SLIT3: variants seen among roughly 807,000 people sequenced by gnomAD.
SLIT3 encodes slit guidance ligand 3.
SLIT3 carries 68 observed loss-of-function variants against 184.0 expected under a neutral mutation model. That is an observed-to-expected ratio of 0.37 (90% CI 0.30 to 0.45). The LOEUF (loss-of-function observed/expected upper bound fraction) is 0.45, where lower values mean the gene tolerates loss of function less well. Among genes scored for constraint, SLIT3 ranks in the 20% least tolerant of loss-of-function variants. SLIT3 has a pLI of 1.00. For synonymous variants in SLIT3, 831 were observed against 828.6 expected (o/e 1.00, Z -0.05); for missense variants, 1,707 against 2,026.0 (o/e 0.84, Z 3.02).
chr5:169,131,182 G>A (rs112685889), intron 4 of SLIT3, among the ~76,000 whole-genome samples: 1,746 of 152,248 alleles, frequency 0.011, 39 homozygotes, highest in African/African-American at 0.04. Context: ...AGCTGTTAAC[G>A]AACACACAAC....
intron 4 of SLIT3, among the ~76,000 whole-genome samples, chr5:168,902,065 T>C (rs928840760): frequency 9.2e-5 from 14 of 152,204 alleles, no homozygotes; most frequent in Admixed American, 3.9e-4. Context: ...CTAACTTTTG[T>C]ATTTTTAGTA....
chr5:169,017,508 T>G (rs1756431963), intron 4 of SLIT3, among the ~76,000 whole-genome samples: 1 of 152,240 alleles, frequency 6.6e-6, no homozygotes, highest in Non-Finnish European at 1.5e-5. Flanking sequence ...AGCAGCCACC[T>G]TGGCAGCCTG....
intron 3 of SLIT3, among the ~76,000 whole-genome samples, chr5:169,237,097 A>T (rs1018997509): frequency 6.6e-6 from 1 of 152,164 alleles, no homozygotes; most frequent in Non-Finnish European, 1.5e-5. Context: ...TCTTCTGTGC[A>T]GTTCCTTTTG....
intron 2 of SLIT3, among the ~76,000 whole-genome samples, chr5:169,247,657 T>A (rs1193702611): frequency 6.6e-6 from 1 of 152,162 alleles, no homozygotes; most frequent in African/African-American, 2.4e-5. Context: ...ATTGGCTTCA[T>A]CAAGAAGTTT....
At chr5:168,883,104 G>A (rs569885111) in intron 5 of SLIT3, among the ~76,000 whole-genome samples, 161 bp downstream of exon 5, 1 of 152,292 alleles carries the variant, frequency 6.6e-6, no homozygotes, top group East Asian at 1.9e-4. Context: ...TGACAGTATT[G>A]TGGCATCCAA....
intron 1 of SLIT3, among the ~76,000 whole-genome samples, chr5:169,255,837 C>T (rs568463220): frequency 1.5e-4 from 23 of 152,036 alleles, no homozygotes; most frequent in Admixed American, 1.4e-3. Context: ...GAGCCGAGAT[C>T]GCGCCACTGC....
At chr5:169,237,560 C>A (rs990901361) in intron 3 of SLIT3, among the ~76,000 whole-genome samples, 1 of 152,166 alleles carries the variant, frequency 6.6e-6, no homozygotes, top group African/African-American at 2.4e-5. Context: ...TCCACCTCAC[C>A]AGCAATTAGC....
At chr5:169,026,356 A>C (rs1471095923) in intron 4 of SLIT3, 1 of 152,226 alleles carries the variant, frequency 6.6e-6, no homozygotes, top group Non-Finnish European at 1.5e-5. Context: ...AGCTTTCAAG[A>C]AGTTGGGTCA....
intron 20 of SLIT3, among the ~76,000 whole-genome samples, chr5:168,736,211 G>A (rs1372811686): frequency 6.6e-6 from 1 of 152,168 alleles, no homozygotes; most frequent in South Asian, 2.1e-4. Context: ...GAATGGAAGG[G>A]AGCCTTCTCA....
chr5:168,707,984 T>C lies in SLIT3; in HGVS notation c.2836A>G (p.Ser946Gly). The C allele has an allele frequency of 1.2e-6, 2 of 1,614,126 alleles. No individual in the cohort carries two copies. The highest frequency in any genetic ancestry group is 1.7e-6 in the Non-Finnish European group (2 of 1,180,016). Residue 946 changes from serine (S) to glycine (G), a missense_variant, in exon 26 of 36, where the codon AGC becomes GGC. Transcript: ENST00000519560. Reference protein sequence around the residue: ...VELYRCACPYSYKGKDCTVPI... With the variant: ...VELYRCACPYGYKGKDCTVPI... ...CAGGGCCTCCAGCATACCTTGTAGC[T>C]GTAGGGGCAGGCACAGCGGTACAGC...
intron 16 of SLIT3, among the ~76,000 whole-genome samples, chr5:168,754,653 T>C (rs1303237998): frequency 6.6e-6 from 1 of 152,216 alleles, no homozygotes; most frequent in Non-Finnish European, 1.5e-5. Context: ...AAAGAAATGA[T>C]AGATGTTAGA....
At chr5:168,955,599 T>C (rs1191560466) in intron 4 of SLIT3, among the ~76,000 whole-genome samples, 1 of 152,212 alleles carries the variant, frequency 6.6e-6, no homozygotes, top group African/African-American at 2.4e-5. Context: ...ACCCACCCGA[T>C]GGCAGGTGAA....
chr5:168,812,674 C>T (rs555223693), intron 8 of SLIT3, among the ~76,000 whole-genome samples: 3 of 152,160 alleles, frequency 2.0e-5, no homozygotes, highest in South Asian at 2.1e-4. Flanking sequence ...CAACAGACTG[C>T]GATGACAATG....
At chr5:168,813,613 A>T (rs1757238251) in intron 8 of SLIT3, among the ~76,000 whole-genome samples, 1 of 152,246 alleles carries the variant, frequency 6.6e-6, no homozygotes, top group Non-Finnish European at 1.5e-5. Flanking sequence ...GGAAGAAAAT[A>T]AATGCCTTCA....
intron 1 of SLIT3, among the ~76,000 whole-genome samples, chr5:169,296,905 G>T (rs1169344168): frequency 6.6e-6 from 1 of 152,236 alleles, no homozygotes; most frequent in African/African-American, 2.4e-5. Context: ...ACTGCAGTGA[G>T]AAGTGGGCCT....
At chr5:168,855,005 C>A (rs1438362363) in intron 5 of SLIT3, among the ~76,000 whole-genome samples, 1 of 152,198 alleles carries the variant, frequency 6.6e-6, no homozygotes, top group East Asian at 1.9e-4. Flanking sequence ...CTAGAAGAGG[C>A]CAGCTTCCTT....
rs759431210 is a variant in SLIT3, at chr5:168,696,408, T to G, written c.2966A>C (p.Glu989Ala). The G allele has an allele frequency of 5.0e-6, 8 of 1,613,974 alleles. No individual in the cohort carries two copies. Among genetic ancestry groups the G allele is most frequent in the Non-Finnish European group, 6.8e-6 (8 of 1,179,996 alleles). The change falls in exon 28 of 36, where the codon GAG (glutamate) becomes GCG (alanine). Residue 989 changes from glutamate (E) to alanine (A), a missense_variant. Physicochemically the swap from Glu to Ala is moderately radical, Grantham distance 107 (BLOSUM62 -1). This residue lies in a region of SLIT3 where 1,307 missense variants were observed against 1,511.6 expected (regional missense o/e 0.86). Coordinates refer to ENST00000519560, the MANE Select transcript of SLIT3 (RefSeq NM_003062.4). Reference sequence around the variant, plus strand: ...TGGGTTGATCTCACACCGCTGCCCCTCAAAGCCCAGAGGGCAGGAGCAGCT... The same window carrying G: ...TGGGTTGATCTCACACCGCTGCCCCGCAAAGCCCAGAGGGCAGGAGCAGCT... ...GFSCSCPLGFEGQRCEINPDD... is the reference protein window; with the variant it reads ...GFSCSCPLGFAGQRCEINPDD...
chr5:169,037,608 G>A (rs1757301897), intron 4 of SLIT3: 1 of 152,246 alleles, frequency 6.6e-6, no homozygotes, highest in Admixed American at 6.5e-5. Flanking sequence ...GCCTCGTCAA[G>A]GATGATGGAG....
chr5:168,976,928 G>A (rs1036586869), intron 4 of SLIT3, among the ~76,000 whole-genome samples: 4 of 152,102 alleles, frequency 2.6e-5, no homozygotes, highest in South Asian at 2.1e-4. Context: ...CCATAAGGGC[G>A]AAGCCAACAC....
Sources: allele counts gnomAD v4.1 joint callset (sites outside exome capture counted in the v4.1 genomes callset), GRCh38; gene constraint gnomAD v4.1.1; regional missense constraint gnomAD v4.1.1; transcripts MANE v1.5; gene names NCBI Gene and HGNC (gene_info 2026-07-23, HGNC 2026-07-21).